MYO10: variants seen among roughly 807,000 people sequenced by gnomAD.
MYO10 encodes the protein myosin X.
In MYO10, 133 loss-of-function variants were observed where a neutral mutation model predicts 257.3. The observed-to-expected ratio is 0.52, with a 90% CI of 0.45 to 0.60. The LOEUF (loss-of-function observed/expected upper bound fraction) is 0.60. Ranked by LOEUF, MYO10 falls within the 20% of genes least tolerant of loss-of-function variation. The pLI is 0.00. For synonymous variants in MYO10, 1,104 were observed against 1,028.6 expected, an observed-to-expected ratio of 1.07 and a Z score of -1.40; for missense variants, 2,399 against 2,635.7, an observed-to-expected ratio of 0.91 and a Z score of 1.97.
rs771898525 is a variant in MYO10, at chr5:16,754,857, C to G, written c.1900G>C (p.Val634Leu). 1.9e-6 allele frequency: 3 copies of G among 1,604,092 alleles called. No individual in the cohort carries two copies. The highest frequency in any genetic ancestry group is 2.6e-6 in the Non-Finnish European group (3 of 1,173,670). The change falls in exon 19 of 41, where the codon GTT (valine) becomes CTT (leucine). Residue 634 changes from valine (V) to leucine (L), a missense_variant. Physicochemically the swap from Val to Leu is conservative, Grantham distance 32. This residue lies in a region of MYO10 where 1,820 missense variants were observed against 1,939.4 expected (regional missense o/e 0.94). Transcript: ENST00000513610. ...ATLSSSNPFFVRCIKPNMQKM... is the reference protein window; with the variant it reads ...ATLSSSNPFFLRCIKPNMQKM... ...TGCATGTTTGGCTTGATACAGCGAA[C>G]AAAGAAAGGATTAGAGGAGCTTAGC... is the stretch of plus-strand genomic sequence containing the variant.
At chr5:16,681,215 A>G in intron 32 of MYO10, 94 bp downstream of exon 32, 1 of 1,318,738 alleles carries the variant, frequency 7.6e-7, no homozygotes, top group Non-Finnish European at 1.0e-6. Flanking sequence ...GGGGGAAATA[A>G]AGTACACACT....
At chr5:16,902,365 TG>T in intron 1 of MYO10, 1 of 1,222,774 alleles carries the variant, frequency 8.2e-7, no homozygotes. Context: ...GTTCGGTCCT[TG>T]CGGGCTTCAC....
intron 38 of MYO10, 101 bp from the exon 39 acceptor site, chr5:16,671,079 CACCTT>C: frequency 8.9e-7 from 1 of 1,126,502 alleles, no homozygotes; most frequent in South Asian, 1.6e-5. Context: ...CTCTCAAACT[CACCTT>C]CCCTGACTGC....
rs1136661 is a variant in MYO10, at chr5:16,711,127, T to C, written c.2048A>G (p.Tyr683Cys). ...CAATTCAGCTCCCTCTTGCCTTTTGTAAAAGTCCTGAAAGGGTCTTCGGAC... is the reference window on the plus strand; with the variant it reads ...CAATTCAGCTCCCTCTTGCCTTTTGCAAAAGTCCTGAAAGGGTCTTCGGAC... ...YAVRRPFQDF[Y>C]KRYKVLMRNL... The change falls in exon 20 of 41, where the codon TAC becomes TGC. Residue 683 changes from tyrosine (Y) to cysteine (C), a missense_variant. Physicochemically the swap from Tyr to Cys is radical, Grantham distance 194. Coordinates refer to ENST00000513610, the MANE Select transcript of MYO10 (RefSeq NM_012334.3). 130 of 1,613,758 alleles carry C rather than the reference T, an allele frequency of 8.1e-5. No individual in the cohort carries two copies. The highest frequency in any genetic ancestry group is 1.1e-4 in the Non-Finnish European group (127 of 1,179,842).
chr5:16,710,224 G>C (rs778406961), intron 21 of MYO10, among the ~76,000 whole-genome samples: 2 of 152,128 alleles, frequency 1.3e-5, no homozygotes, highest in Non-Finnish European at 2.9e-5. Context: ...TTTCCCATGT[G>C]ACAAGTCATT....
At chr5:16,683,246 G>T (rs889492116) in intron 30 of MYO10, among the ~76,000 whole-genome samples, 4 of 152,100 alleles carry the variant, frequency 2.6e-5, no homozygotes, top group Non-Finnish European at 5.9e-5. Context: ...TCTTTCTCTG[G>T]TCCGTCCTAG....
chr5:16,703,190 T>G lies in MYO10; in HGVS notation c.2277-32A>C, dbSNP rs142201951. 3.5e-4 allele frequency: 526 copies of G among 1,518,776 alleles called. No homozygotes were observed. In the African/African-American group the frequency reaches 6.4e-3, roughly 19 times the overall value. 94.1% of individuals were successfully genotyped at this position (1,518,776 alleles called of 1,614,324 possible). Reference sequence around the variant, plus strand: ...ATGAAAGAAAACAAGAGAATCGGCATTGAAGTAATGAGGCTTTGAGCTATT... The same window carrying G: ...ATGAAAGAAAACAAGAGAATCGGCAGTGAAGTAATGAGGCTTTGAGCTATT... On this transcript the variant is annotated intron_variant, in intron 22 of 40. Coordinates refer to ENST00000513610, the MANE Select transcript of MYO10 (RefSeq NM_012334.3).
intron 10 of MYO10, among the ~76,000 whole-genome samples, chr5:16,767,942 T>C (rs1488897074): frequency 6.6e-6 from 1 of 152,132 alleles, no homozygotes; most frequent in Non-Finnish European, 1.5e-5. Context: ...CCTCCCAAAG[T>C]GCTAGGATTA....
At chr5:16,871,974 T>C (rs1371275636) in intron 2 of MYO10, among the ~76,000 whole-genome samples, 1 of 152,212 alleles carries the variant, frequency 6.6e-6, no homozygotes, top group Non-Finnish European at 1.5e-5. Context: ...AGGCTCAGCG[T>C]TGTTTTCACA....
rs753780347 is a variant in MYO10 at position 16,859,881 on chromosome 5, G to A, written c.120+17728C>T. On this transcript the variant is annotated intron_variant, in intron 2 of 40. Transcript: ENST00000513610. The stretch of plus-strand genomic sequence containing the variant: ...CCCTGGCCCACCCCCACCCAGGGCC[G>A]TGCCCTTCCTTCAGGCCCCAATTCT... Among the ~76,000 whole-genome samples, 18 of 151,750 alleles carry A rather than the reference G, an allele frequency of 1.2e-4. No homozygotes were observed. In the South Asian group the frequency reaches 1.5e-3, roughly 12 times the overall value.
At chr5:16,749,979 G>A (rs1740334571) in intron 19 of MYO10, among the ~76,000 whole-genome samples, 1 of 152,186 alleles carries the variant, frequency 6.6e-6, no homozygotes, top group African/African-American at 2.4e-5. Flanking sequence ...AGGAAAAGCA[G>A]GTTTTCTATC....
chr5:16,715,910 GC>G (rs1738850131), intron 19 of MYO10, among the ~76,000 whole-genome samples: 1 of 152,086 alleles, frequency 6.6e-6, no homozygotes, highest in South Asian at 2.1e-4. Flanking sequence ...ACAAAAATCA[GC>G]CGAGTGTGGT....
chr5:16,809,698 A>G (rs1489452146), intron 3 of MYO10, among the ~76,000 whole-genome samples: 1 of 152,274 alleles, frequency 6.6e-6, no homozygotes, highest in Admixed American at 6.5e-5. Flanking sequence ...CTAAAAATAC[A>G]TTAGCTGTGA....
At chr5:16,683,725 A>AAGG (rs1191840176) in intron 30 of MYO10, among the ~76,000 whole-genome samples, 155 bp downstream of exon 30, 1 of 152,214 alleles carries the variant, frequency 6.6e-6, no homozygotes, top group Non-Finnish European at 1.5e-5. Flanking sequence ...GGGTACCAAG[A>AAGG]AGGAAGACTG....
intron 25 of MYO10, among the ~76,000 whole-genome samples, chr5:16,700,303 G>A (rs976373409): frequency 1.4e-4 from 22 of 152,092 alleles, no homozygotes; most frequent in African/African-American, 5.1e-4. Context: ...AACGCAGCAC[G>A]GCAAAGCTAA....
chr5:16,677,433 T>TTTTTTTTTTTTTTTTTTTTG (rs1363770924), intron 33 of MYO10, among the ~76,000 whole-genome samples: 1 of 145,254 alleles, frequency 6.9e-6, no homozygotes, highest in African/African-American at 2.7e-5. Context: ...TTTTTTTTTT[T>TTTTTTTTTTTTTTTTTTTTG]GAGACGGAGT....
intron 3 of MYO10, among the ~76,000 whole-genome samples, chr5:16,800,806 T>C (rs1353093381): frequency 6.6e-6 from 1 of 152,182 alleles, no homozygotes; most frequent in Non-Finnish European, 1.5e-5. Flanking sequence ...AGGGCCACTA[T>C]GTCAGGGGGT....
chr5:16,666,566 A>G lies in MYO10; in HGVS notation c.*126T>C. 1.1e-5 allele frequency: 8 copies of G among 740,764 alleles called. No homozygotes were observed. In the South Asian group the frequency reaches 1.5e-4, roughly 14 times the overall value. The allele number at this position is 740,764 out of a possible 1,614,324, so 45.9% of individuals were successfully genotyped here. ...GGATCCTCGGAGACACCTCCCTCAGACCAGAAGCTTCCAGAAAGCCTGGGC... is the reference window on the plus strand; with the variant it reads ...GGATCCTCGGAGACACCTCCCTCAGGCCAGAAGCTTCCAGAAAGCCTGGGC... On this transcript the variant is annotated 3_prime_UTR_variant, in exon 41 of 41. Coordinates refer to ENST00000513610, the MANE Select transcript of MYO10 (RefSeq NM_012334.3).
intron 2 of MYO10, among the ~76,000 whole-genome samples, chr5:16,871,294 C>A (rs1296829918): frequency 6.6e-6 from 1 of 152,166 alleles, no homozygotes; most frequent in Non-Finnish European, 1.5e-5. Context: ...AGACCATGCT[C>A]TAAACTTTTG....
Sources: allele counts gnomAD v4.1 joint callset (sites outside exome capture counted in the v4.1 genomes callset), GRCh38; gene constraint gnomAD v4.1.1; regional missense constraint gnomAD v4.1.1; transcripts MANE v1.5; gene names NCBI Gene and HGNC (gene_info 2026-07-23, HGNC 2026-07-21).